GABBR2: variants seen among roughly 807,000 people sequenced by gnomAD.
GABBR2 encodes the protein gamma-aminobutyric acid type B receptor subunit 2, also known as G-protein coupled receptor 51.
A neutral mutation model predicts 105.6 loss-of-function variants in GABBR2; 23 were observed. The observed-to-expected ratio is 0.22, with a 90% CI of 0.16 to 0.31. The LOEUF is 0.31. GABBR2 is among the 10% of genes least tolerant of loss of function. GABBR2 has a pLI of 1.00. For missense variants in GABBR2, 734 were observed against 1,245.5 expected (o/e 0.59, Z 6.18); for synonymous variants, 478 against 499.7 (o/e 0.96, Z 0.58).
chr9:98,474,639 C>T (rs1453282352), intron 5 of GABBR2, among the ~76,000 whole-genome samples: 1 of 152,154 alleles, frequency 6.6e-6, no homozygotes, highest in Non-Finnish European at 1.5e-5. Context: ...TCATGTCGCA[C>T]CCCTTGGCCT....
Position 98,454,829 on chromosome 9 carries a change from C to G in GABBR2, c.1000-612G>C, listed in dbSNP as rs1281638961. On this transcript the variant is annotated intron_variant, in intron 6 of 18. Coordinates refer to ENST00000259455, the MANE Select transcript of GABBR2 (RefSeq NM_005458.8). The surrounding 1 kb of genome is among the most constrained non-coding windows in gnomAD (Gnocchi z 4.6). Reference sequence around the variant, plus strand: ...CAGGCTCAGTCCATACCTCCTTCCCCTTCTAGCATCAGTAGCTCCCTGTAC... The same window carrying G: ...CAGGCTCAGTCCATACCTCCTTCCCGTTCTAGCATCAGTAGCTCCCTGTAC... 6.6e-6 allele frequency among the ~76,000 whole-genome samples: 1 copy of G among 152,076 alleles called. No homozygotes were observed. The highest frequency in any genetic ancestry group is 1.5e-5 in the Non-Finnish European group (1 of 68,014).
rs1167504011 is a variant in GABBR2 at position 98,681,998 on chromosome 9, G to A, written c.321+26419C>T. ...GCACTTTGTAATCCCACTTTGGGGGGTGGAGACAGGCGGATCACTTGACTT... is the reference window on the plus strand; with the variant it reads ...GCACTTTGTAATCCCACTTTGGGGGATGGAGACAGGCGGATCACTTGACTT... On this transcript the variant is annotated intron_variant, in intron 1 of 18. Coordinates refer to ENST00000259455, the MANE Select transcript of GABBR2 (RefSeq NM_005458.8). Among the ~76,000 whole-genome samples, 5 of 152,266 alleles carry A rather than the reference G, an allele frequency of 3.3e-5. No individual in the cohort carries two copies. The East Asian group carries it at 9.7e-4, about 29-fold the overall frequency.
chr9:98,683,618 A>G (rs1317306692), intron 1 of GABBR2, among the ~76,000 whole-genome samples: 2 of 152,028 alleles, frequency 1.3e-5, no homozygotes, highest in Non-Finnish European at 2.9e-5. Context: ...AATCATGGAG[A>G]TGCGCATCTA....
At chr9:98,489,174 G>A (rs549431415) in intron 4 of GABBR2, among the ~76,000 whole-genome samples, 1 of 152,334 alleles carries the variant, frequency 6.6e-6, no homozygotes, top group Non-Finnish European at 1.5e-5. Flanking sequence ...CCCATGAGCT[G>A]TAGTTTGCTG....
chr9:98,369,772 C>T (rs138337990), intron 12 of GABBR2, among the ~76,000 whole-genome samples: 1 of 151,876 alleles, frequency 6.6e-6, no homozygotes, highest in African/African-American at 2.4e-5. Context: ...CAGGTGATGC[C>T]CACATCAGGA....
chr9:98,692,172 G>A (rs1830689731), intron 1 of GABBR2, among the ~76,000 whole-genome samples: 1 of 152,134 alleles, frequency 6.6e-6, no homozygotes, highest in South Asian at 2.1e-4. Context: ...CATGTGAGTG[G>A]CCTACATTGT....
chr9:98,662,228 T>A (rs568949843), intron 1 of GABBR2, among the ~76,000 whole-genome samples: 16 of 152,246 alleles, frequency 1.1e-4, no homozygotes, highest in Admixed American at 1.0e-3. Flanking sequence ...TGGTGGTCGG[T>A]GGGACACTCA....
chr9:98,416,280 C>T (rs1832687920), intron 7 of GABBR2, among the ~76,000 whole-genome samples: 1 of 152,148 alleles, frequency 6.6e-6, no homozygotes, highest in Non-Finnish European at 1.5e-5. Context: ...TGCAAAATGC[C>T]CTGTTTTTAC....
At chr9:98,682,887 T>TTTTG (rs56246025) in intron 1 of GABBR2, among the ~76,000 whole-genome samples, 1 of 151,726 alleles carries the variant, frequency 6.6e-6, no homozygotes, top group Non-Finnish European at 1.5e-5. Context: ...TTTGATTTTG[T>TTTTG]TTTGTTTGTT....
At chr9:98,552,329 C>T (rs1321745463) in intron 2 of GABBR2, among the ~76,000 whole-genome samples, 1 of 152,130 alleles carries the variant, frequency 6.6e-6, no homozygotes, top group East Asian at 1.9e-4. Flanking sequence ...TCTTTTTCCA[C>T]GACTTTGCTG....
chr9:98,406,204 C>T, intron 7 of GABBR2, 63 bp from the exon 8 acceptor site: 1 of 889,234 alleles, frequency 1.1e-6, no homozygotes, highest in South Asian at 1.6e-5. Flanking sequence ...AGCCCAAACG[C>T]CACTGATCTC....
intron 7 of GABBR2, among the ~76,000 whole-genome samples, chr9:98,425,802 C>A (rs1825675432): frequency 6.6e-6 from 1 of 152,198 alleles, no homozygotes; most frequent in Non-Finnish European, 1.5e-5. Context: ...CCTCCAACCC[C>A]AGCAGGAGAG....
intron 1 of GABBR2, among the ~76,000 whole-genome samples, chr9:98,591,059 A>G (rs1829139467): frequency 6.6e-6 from 1 of 152,238 alleles, no homozygotes; most frequent in African/African-American, 2.4e-5. Flanking sequence ...TCAAACAAAA[A>G]GCCATAACAC....
At chr9:98,372,857 G>A (rs2131465204) in intron 11 of GABBR2, among the ~76,000 whole-genome samples, 1 of 152,316 alleles carries the variant, frequency 6.6e-6, no homozygotes, top group African/African-American at 2.4e-5. Flanking sequence ...ACTAAATCAA[G>A]GGAAGGACAA....
intron 1 of GABBR2, among the ~76,000 whole-genome samples, chr9:98,680,312 A>T (rs944444173): frequency 1.7e-4 from 26 of 151,912 alleles, no homozygotes; most frequent in African/African-American, 5.6e-4. Flanking sequence ...TTATTTATTT[A>T]TTTATTTTTT....
chr9:98,540,917 A>C (rs1254622054), intron 3 of GABBR2, among the ~76,000 whole-genome samples: 1 of 152,230 alleles, frequency 6.6e-6, no homozygotes, highest in Non-Finnish European at 1.5e-5. Flanking sequence ...GAAAATGGGA[A>C]TTTTCAAATG....
chr9:98,433,543 C>T (rs1825848464), intron 7 of GABBR2, among the ~76,000 whole-genome samples: 1 of 152,136 alleles, frequency 6.6e-6, no homozygotes, highest in Admixed American at 6.5e-5. Context: ...TTTTTTTCTA[C>T]ATATTCAAGA....
At chr9:98,505,560 G>T (rs1230677036) in intron 3 of GABBR2, among the ~76,000 whole-genome samples, 1 of 152,160 alleles carries the variant, frequency 6.6e-6, no homozygotes, top group Non-Finnish European at 1.5e-5. Context: ...GACAACTTGT[G>T]AATGTGACCT....
rs150890514 is a variant in GABBR2, at chr9:98,579,556, C to T, written c.322-1484G>A. 6.5e-3 allele frequency among the ~76,000 whole-genome samples: 987 copies of T among 152,338 alleles called. 4 individuals are homozygous for T. Among genetic ancestry groups the T allele is most frequent in the African/African-American group, 0.023 (947 of 41,576 alleles). ...GTCAAACATCAATGAATTCTTCTCA[C>T]TCTTCCTGCTTTCCATGCACTTAAA... is the stretch of plus-strand genomic sequence containing the variant. On this transcript the variant is annotated intron_variant, in intron 1 of 18. Coordinates refer to ENST00000259455, the MANE Select transcript of GABBR2 (RefSeq NM_005458.8).
Sources: allele counts gnomAD v4.1 joint callset (sites outside exome capture counted in the v4.1 genomes callset), GRCh38; gene constraint gnomAD v4.1.1; non-coding constraint Gnocchi (gnomAD v3.1); transcripts MANE v1.5; gene names NCBI Gene and HGNC (gene_info 2026-07-23, HGNC 2026-07-21).